Variants in TENM3 observed in about 807,000 individuals in gnomAD.
The protein encoded by TENM3 is teneurin-3.
Under a neutral mutation model 255.1 loss-of-function variants are expected in TENM3, and 63 were observed. The ratio of observed to expected loss-of-function variants is 0.25; its 90% CI spans 0.20 to 0.30. The LOEUF is 0.30. Ranked by LOEUF, TENM3 falls within the 10% of genes least tolerant of loss-of-function variation. TENM3 has a pLI of 1.00. For synonymous variants in TENM3, 1,306 were observed against 1,322.3 expected, an observed-to-expected ratio of 0.99 and a Z score of 0.27; for missense variants, 2,929 against 3,461.1, an observed-to-expected ratio of 0.85 and a Z score of 3.86.
intron 2 of TENM3, among the ~76,000 whole-genome samples, chr4:182,346,056 C>T (rs1764776495): frequency 6.9e-6 from 1 of 144,846 alleles, no homozygotes; most frequent in Non-Finnish European, 1.5e-5. Context: ...ACCCACCCCA[C>T]ACACACACAT....
chr4:182,356,127 A>G (rs1765508462), intron 3 of TENM3, among the ~76,000 whole-genome samples: 1 of 149,740 alleles, frequency 6.7e-6, no homozygotes, highest in Admixed American at 6.6e-5. Flanking sequence ...AGGACCTTTT[A>G]TAGAGGCAAA....
chr4:181,819,353 T>C, the TENM3 span, among the ~76,000 whole-genome samples: 1 of 151,934 alleles, frequency 6.6e-6, no homozygotes, highest in Admixed American at 6.6e-5. Flanking sequence ...ATAGAAAGAA[T>C]AAAAGTAATA....
intron 4 of TENM3, among the ~76,000 whole-genome samples, chr4:182,601,422 G>GT (rs1747842994): frequency 6.7e-6 from 1 of 148,514 alleles, no homozygotes; most frequent in Non-Finnish European, 1.5e-5. Flanking sequence ...ACCACTGTTT[G>GT]TTTTTTTCTT....
At chr4:181,903,647 A>G in the TENM3 span, among the ~76,000 whole-genome samples, 5 of 152,214 alleles carry the variant, frequency 3.3e-5, no homozygotes, top group African/African-American at 1.2e-4. Flanking sequence ...CTTGCAAAAT[A>G]TTGCTGCTAA....
chr4:181,680,778 T>C, the TENM3 span, among the ~76,000 whole-genome samples: 35 of 152,220 alleles, frequency 2.3e-4, no homozygotes, highest in African/African-American at 8.2e-4. Context: ...CAATCCAAAT[T>C]GTCAAGTTTC....
intron 12 of TENM3, among the ~76,000 whole-genome samples, chr4:182,704,668 G>GAGGCA (rs1758136768): frequency 6.6e-6 from 1 of 152,160 alleles, no homozygotes; most frequent in Non-Finnish European, 1.5e-5. Flanking sequence ...TAGTTATTCA[G>GAGGCA]ATAATTTTTA....
chr4:181,741,893 T>C, the TENM3 span, among the ~76,000 whole-genome samples: 1 of 152,220 alleles, frequency 6.6e-6, no homozygotes, highest in Non-Finnish European at 1.5e-5. Context: ...TGAATGAACA[T>C]AGCAGGAGAA....
the TENM3 span, among the ~76,000 whole-genome samples, chr4:182,040,886 G>A: frequency 4.5e-4 from 69 of 152,166 alleles, no homozygotes; most frequent in South Asian, 1.5e-3. Context: ...GAAAGAAGGG[G>A]GACAGAGAAA....
At chr4:181,719,215 A>AAAATAAATAAATAAATAAAT in the TENM3 span, among the ~76,000 whole-genome samples, 1,742 of 150,014 alleles carry the variant, frequency 0.012, 15 homozygotes, top group Non-Finnish European at 0.019. Flanking sequence ...TCCGTCTCAA[A>AAAATAAATAAATAAATAAAT]AAATAAATAA....
At chr4:181,934,085 T>C in the TENM3 span, among the ~76,000 whole-genome samples, 1 of 149,416 alleles carries the variant, frequency 6.7e-6, no homozygotes, top group Admixed American at 6.6e-5. Flanking sequence ...TGCGCGCGCT[T>C]TTAAATCACA....
the TENM3 span, among the ~76,000 whole-genome samples, chr4:182,059,382 T>G: frequency 6.6e-6 from 1 of 152,140 alleles, no homozygotes; most frequent in African/African-American, 2.4e-5. Flanking sequence ...TTAATCAGTT[T>G]ACCAAAATGC....
chr4:182,755,879 A>G (rs1378729009), intron 22 of TENM3, among the ~76,000 whole-genome samples: 1 of 152,188 alleles, frequency 6.6e-6, no homozygotes, highest in Non-Finnish European at 1.5e-5. Context: ...AAAGAAGACA[A>G]AATTGCAAGA....
At chr4:182,132,477 G>A in the TENM3 span, among the ~76,000 whole-genome samples, 4 of 151,924 alleles carry the variant, frequency 2.6e-5, no homozygotes, top group Non-Finnish European at 5.9e-5. Flanking sequence ...GCAACAGAGC[G>A]AGAATCTGTC....
At chr4:182,468,781 A>G (rs1257001211) in intron 3 of TENM3, among the ~76,000 whole-genome samples, 1 of 145,516 alleles carries the variant, frequency 6.9e-6, no homozygotes, top group Non-Finnish European at 1.5e-5. Context: ...ATTATTTTTC[A>G]GGAGTCTTCA....
chr4:182,756,200 T>C (rs1762735525), intron 22 of TENM3, among the ~76,000 whole-genome samples: 3 of 152,232 alleles, frequency 2.0e-5, no homozygotes, highest in South Asian at 4.1e-4. Flanking sequence ...TTTGTAATCG[T>C]TACCAGAGAA....
chr4:181,449,866 C>A, the TENM3 span, among the ~76,000 whole-genome samples: 1 of 152,104 alleles, frequency 6.6e-6, no homozygotes, highest in East Asian at 1.9e-4. Flanking sequence ...TTTGGACACC[C>A]AAATCAGTCT....
intron 3 of TENM3, among the ~76,000 whole-genome samples, chr4:182,440,751 G>A (rs1321487467): frequency 6.6e-6 from 1 of 151,986 alleles, no homozygotes; most frequent in African/African-American, 2.4e-5. Flanking sequence ...TGAGAAAATG[G>A]TGACCAGCTG....
At chr4:181,871,348 T>C in the TENM3 span, among the ~76,000 whole-genome samples, 1 of 152,116 alleles carries the variant, frequency 6.6e-6, no homozygotes, top group East Asian at 1.9e-4. Context: ...AAAATGGCTA[T>C]TTTAACAATT....
At chr4:182,394,592 A>C (rs1768669182) in intron 3 of TENM3, among the ~76,000 whole-genome samples, 1 of 152,172 alleles carries the variant, frequency 6.6e-6, no homozygotes, top group African/African-American at 2.4e-5. Flanking sequence ...ACAAAGTTCT[A>C]AGTTTTTGTT....
Sources: gnomAD v4.1 joint callset for allele counts (sites outside exome capture counted in the v4.1 genomes callset) on GRCh38, gnomAD v4.1.1 for gene constraint, MANE v1.5 for transcripts, NCBI Gene and HGNC (gene_info 2026-07-23, HGNC 2026-07-21) for gene names.